The following JMJD1C variants were observed in gnomAD, a reference collection of about 807,000 sequenced individuals.
JMJD1C encodes the protein jumonji domain-containing protein 1C.
JMJD1C carries 31 observed loss-of-function variants against 245.3 expected under a neutral mutation model. The ratio of observed to expected loss-of-function variants is 0.13; its 90% confidence interval spans 0.09 to 0.17. The LOEUF (loss-of-function observed/expected upper bound fraction) is 0.17. Ranked by LOEUF, JMJD1C falls within the 10% of genes least tolerant of loss-of-function variation. The pLI is 1.00. For synonymous variants in JMJD1C, 1,057 were observed against 1,017.4 expected, an observed-to-expected ratio of 1.04 and a Z score of -0.74; for missense variants, 2,691 against 3,000.2, an observed-to-expected ratio of 0.90 and a Z score of 2.41.
intron 1 of JMJD1C, among the ~76,000 whole-genome samples, chr10:63,390,263 C>T (rs112315368): frequency 2.6e-5 from 4 of 152,024 alleles, no homozygotes; most frequent in Non-Finnish European, 4.4e-5. Flanking sequence ...TATACAAAAA[C>T]AAACTGGAAA....
At chr10:63,402,026 C>T (rs12780983) in intron 1 of JMJD1C, among the ~76,000 whole-genome samples, 30,595 of 151,394 alleles carry the variant, frequency 0.2, 4,053 homozygotes, top group Non-Finnish European at 0.29. Context: ...GTCAGCTACT[C>T]GGGAAGCTGA....
chr10:63,310,916 A>C (rs1450488419), intron 2 of JMJD1C, among the ~76,000 whole-genome samples: 1 of 152,200 alleles, frequency 6.6e-6, no homozygotes, highest in Non-Finnish European at 1.5e-5. Flanking sequence ...ATACGATTTT[A>C]TATTTGGGGG....
intron 2 of JMJD1C, among the ~76,000 whole-genome samples, chr10:63,372,422 T>C (rs1946386638): frequency 6.6e-6 from 1 of 152,206 alleles, no homozygotes. Flanking sequence ...TTTTTCCCCT[T>C]GGTGATTTCA....
intron 10 of JMJD1C, among the ~76,000 whole-genome samples, chr10:63,205,766 T>C (rs1421206243): frequency 2.0e-5 from 3 of 152,176 alleles, no homozygotes; most frequent in Admixed American, 1.3e-4. Flanking sequence ...GAAAGAGGTA[T>C]AGTAAAAACA....
intron 2 of JMJD1C, among the ~76,000 whole-genome samples, chr10:63,321,670 T>A (rs986327142): frequency 6.6e-6 from 1 of 152,224 alleles, no homozygotes; most frequent in Non-Finnish European, 1.5e-5. Flanking sequence ...GTTCATTTTT[T>A]AAATCCACTC....
chr10:63,387,602 C>T (rs1266158472), intron 1 of JMJD1C, among the ~76,000 whole-genome samples: 3 of 144,242 alleles, frequency 2.1e-5, no homozygotes, highest in Non-Finnish European at 3.0e-5. Context: ...TTGAAATAAC[C>T]CAGTCAGAAG....
In JMJD1C at chr10:63,183,427, A is replaced by G. The variant is rs1272478152; in HGVS notation, c.7084+20T>C. ...TTATTCAACTCTTATTTCAAAGACT[A>G]CTTATTCTTTTAAGTTTACCTGCTT... On this transcript the variant is annotated intron_variant, in intron 22 of 25. Coordinates refer to ENST00000399262, the MANE Select transcript of JMJD1C (RefSeq NM_032776.3). 2.5e-6 allele frequency: 4 copies of G among 1,595,684 alleles called. No homozygotes were observed. Among genetic ancestry groups the G allele is most frequent in the Non-Finnish European group, 3.4e-6 (4 of 1,168,836 alleles).
At chr10:63,331,883 G>A (rs1410582947) in intron 2 of JMJD1C, among the ~76,000 whole-genome samples, 1 of 152,092 alleles carries the variant, frequency 6.6e-6, no homozygotes, top group Non-Finnish European at 1.5e-5. Context: ...GCCTCCCAAA[G>A]TGCTGGGATT....
At chr10:63,221,966 C>T (rs1392136306) in intron 3 of JMJD1C, among the ~76,000 whole-genome samples, 1 of 152,210 alleles carries the variant, frequency 6.6e-6, no homozygotes, top group Admixed American at 6.5e-5. Flanking sequence ...AGGTGATCCA[C>T]CTGCCTCAAC....
At chr10:63,319,332 C>A (rs1940546464) in intron 2 of JMJD1C, among the ~76,000 whole-genome samples, 2 of 149,368 alleles carry the variant, frequency 1.3e-5, no homozygotes, top group African/African-American at 4.9e-5. Flanking sequence ...AGTGTGATGC[C>A]AATCTAATTC....
In JMJD1C at chr10:63,238,139, C is replaced by T. The variant is rs187414855; in HGVS notation, c.448-18156G>A. Among the ~76,000 whole-genome samples the T allele has an allele frequency of 2.0e-3, 293 of 144,356 alleles. 1 individual carries two copies. The highest frequency in any genetic ancestry group is 4.4e-3 in the African/African-American group (170 of 39,070). 94.7% of individuals were successfully genotyped at this position (144,356 alleles called of 152,430 possible). A position where few individuals can be genotyped will look rare whatever the true frequency, so the allele number is the denominator to read the frequency against. ...GAGGTTGCAGCAAGCCAAGATTGTG[C>T]CACTGCACTCCAGCCTGGGTGACAG... is the stretch of plus-strand genomic sequence containing the variant. On this transcript the variant is annotated intron_variant, in intron 3 of 25. Transcript: ENST00000399262.
intron 3 of JMJD1C, among the ~76,000 whole-genome samples, chr10:63,259,224 T>C (rs971866810): frequency 1.3e-5 from 2 of 152,214 alleles, no homozygotes; most frequent in African/African-American, 2.4e-5. Flanking sequence ...ATTTCAAACT[T>C]TGTCAGTGGA....
chr10:63,337,463 G>GC (rs1299063999), intron 2 of JMJD1C, among the ~76,000 whole-genome samples: 2 of 74,644 alleles, frequency 2.7e-5, no homozygotes, highest in Non-Finnish European at 5.2e-5. Flanking sequence ...AGGCGGGGGG[G>GC]GGGGAGGGAG....
intron 8 of JMJD1C, among the ~76,000 whole-genome samples, chr10:63,212,880 G>C (rs1269062010): frequency 6.7e-6 from 1 of 150,252 alleles, no homozygotes; most frequent in African/African-American, 2.4e-5. Context: ...GTATAATTTT[G>C]TGTAATAATT....
At chr10:63,288,114 A>T (rs767719933) in intron 2 of JMJD1C, among the ~76,000 whole-genome samples, 1 of 152,076 alleles carries the variant, frequency 6.6e-6, no homozygotes, top group Non-Finnish European at 1.5e-5. Context: ...TTTTCTATCC[A>T]TGTTTCATTG....
intron 1 of JMJD1C, among the ~76,000 whole-genome samples, chr10:63,450,526 A>G (rs1486251079): frequency 1.3e-5 from 2 of 152,242 alleles, no homozygotes; most frequent in Non-Finnish European, 2.9e-5. Flanking sequence ...ATGGTTCAAC[A>G]CACAAAAGTC....
intron 1 of JMJD1C, chr10:63,521,335 C>CA: frequency 6.8e-6 from 1 of 147,192 alleles, no homozygotes; most frequent in African/African-American, 2.5e-5. Flanking sequence ...GCTGCCGGGC[C>CA]GGCGGGCGGG....
chr10:63,275,642 TA>T (rs1014497753), intron 2 of JMJD1C, among the ~76,000 whole-genome samples: 4 of 152,108 alleles, frequency 2.6e-5, no homozygotes, highest in African/African-American at 9.6e-5. Flanking sequence ...AACTAGAGAT[TA>T]AAAAAAACTA....
At position 63,465,773 on chromosome 10, in the gene JMJD1C, A is replaced by T. The variant is rs767139890; in HGVS notation, c.-111T>A. The T allele has an allele frequency of 7.6e-7, 1 of 1,317,056 alleles. No individual in the cohort carries two copies. Among genetic ancestry groups the T allele is most frequent in the South Asian group, 1.2e-5 (1 of 81,310 alleles). The allele number at this position is 1,317,056 out of a possible 1,614,324, so 81.6% of individuals were successfully genotyped here. A position where few individuals can be genotyped will look rare whatever the true frequency, so the allele number is the denominator to read the frequency against. On this transcript the variant is annotated 5_prime_UTR_variant, in exon 1 of 26. Transcript: ENST00000399262. ...AGAGCGGACCGGGACACAGCAGCGG[A>T]CCCGAAAGAGCGCAGACTCGGGACG...
Sources: allele counts gnomAD v4.1 joint callset (sites outside exome capture counted in the v4.1 genomes callset), GRCh38; gene constraint gnomAD v4.1.1; transcripts MANE v1.5; gene names NCBI Gene and HGNC (gene_info 2026-07-23, HGNC 2026-07-21).